The following HECTD4 variants were observed in gnomAD, a reference collection of about 807,000 sequenced individuals.
HECTD4 encodes HECT domain E3 ubiquitin protein ligase 4, also known as probable E3 ubiquitin-protein ligase HECTD4.
Under a neutral mutation model 471.5 loss-of-function variants are expected in HECTD4, and 114 were observed. That is an observed-to-expected ratio of 0.24 (90% CI 0.21 to 0.28). The LOEUF is 0.28. Among genes scored for constraint, HECTD4 ranks in the 10% least tolerant of loss-of-function variants. The pLI, the probability that HECTD4 is intolerant of heterozygous loss-of-function variation, is 1.00. For missense variants in HECTD4, 3,866 were observed against 5,651.5 expected (o/e 0.68, Z 10.13); for synonymous variants, 2,012 against 2,256.0 (o/e 0.89, Z 3.07).
chr12:112,237,974 G>A (rs534103207), intron 34 of HECTD4, among the ~76,000 whole-genome samples: 18 of 152,072 alleles, frequency 1.2e-4, no homozygotes, highest in Admixed American at 2.0e-4. Flanking sequence ...GGCTGGTCTC[G>A]AACTCCTGAC....
Position 112,239,246 on chromosome 12 carries a change from G to C in HECTD4, c.5106-10C>G. ...GCACTTCTCTTCGCTCCTGACAAAG[G>C]GTCATGGATTACACTAGATAAACGT... is the stretch of plus-strand genomic sequence containing the variant. On this transcript the variant is annotated splice_polypyrimidine_tract_variant and intron_variant, in intron 33 of 75. Transcript: ENST00000682272. This position sits in a 1 kb window ranked among gnomAD's most constrained non-coding sequence, Gnocchi z 4.9. The C allele has an allele frequency of 1.2e-6, 2 of 1,605,572 alleles. No homozygotes were observed. Among genetic ancestry groups the C allele is most frequent in the Non-Finnish European group, 1.7e-6 (2 of 1,175,854 alleles).
At position 112,194,839 on chromosome 12, in the gene HECTD4, G is replaced by A. The variant is rs373478376; in HGVS notation, c.8749+46C>T. 1.7e-5 allele frequency: 26 copies of A among 1,541,734 alleles called. No individual in the cohort carries two copies. The Admixed American group carries it at 1.7e-4, about 10-fold the overall frequency. ...AATGACTACACTGTGCACAGCGCCC[G>A]CCTGGTGCTAAGTTCCAGAGTGACA... On this transcript the variant is annotated intron_variant, in intron 56 of 75. Coordinates refer to ENST00000682272, the MANE Select transcript of HECTD4 (RefSeq NM_001388303.1). This position sits in a 1 kb window ranked among gnomAD's most constrained non-coding sequence, Gnocchi z 4.6.
chr12:112,316,672 A>G (rs1274156869), intron 2 of HECTD4, among the ~76,000 whole-genome samples: 1 of 152,222 alleles, frequency 6.6e-6, no homozygotes, highest in Non-Finnish European at 1.5e-5. Flanking sequence ...AATAAATGTT[A>G]GTTGGTTGAA....
chr12:112,233,198 CTTACACTAACATTAGCTT>C, intron 37 of HECTD4, 113 bp from the exon 38 acceptor site: 6 of 568,160 alleles, frequency 1.1e-5, no homozygotes, highest in East Asian at 3.3e-5. Context: ...CTAACATTAG[CTTACACTAACATTAGCTT>C]TTTTTTTTTT....
chr12:112,233,535 C>T (rs1389610680), intron 37 of HECTD4, among the ~76,000 whole-genome samples: 1 of 151,898 alleles, frequency 6.6e-6, no homozygotes, highest in Non-Finnish European at 1.5e-5. Context: ...CTAACACTAG[C>T]TTTTAAAATC....
At chr12:112,187,990 A>G (rs1237280811) in intron 60 of HECTD4, among the ~76,000 whole-genome samples, 1 of 151,738 alleles carries the variant, frequency 6.6e-6, no homozygotes, top group Non-Finnish European at 1.5e-5. Context: ...AAAAACTGTT[A>G]AATATATGCA....
At chr12:112,317,923 T>C (rs188319742) in intron 2 of HECTD4, among the ~76,000 whole-genome samples, 83 of 136,732 alleles carry the variant, frequency 6.1e-4, no homozygotes, top group South Asian at 5.1e-3. Flanking sequence ...GTCACTGCAC[T>C]TCAGCCTGGT....
rs2036132525 is a variant in HECTD4 at position 112,345,511 on chromosome 12, T to C, written c.178-25769A>G. ...AATTAACTATATATTAATTATATTA[T>C]GGCATTTGTTACAGAGCCTGGAAGT... On this transcript the variant is annotated intron_variant, in intron 1 of 75. Transcript: ENST00000682272. Among the ~76,000 whole-genome samples the C allele has an allele frequency of 1.3e-5, 2 of 152,222 alleles. 1 individual carries two copies. The highest frequency in any genetic ancestry group is 4.1e-4 in the South Asian group (2 of 4,834).
chr12:112,209,992 G>GT (rs1457369624), intron 50 of HECTD4, 23 bp downstream of exon 50: 60 of 1,579,012 alleles, frequency 3.8e-5, no homozygotes, highest in Non-Finnish European at 5.0e-5. Flanking sequence ...CATGGAGGCA[G>GT]TAAGTTCCAG....
At chr12:112,190,215 C>A (rs1019648311) in intron 60 of HECTD4, among the ~76,000 whole-genome samples, 4 of 152,220 alleles carry the variant, frequency 2.6e-5, no homozygotes, top group Non-Finnish European at 5.9e-5. Flanking sequence ...CTCCTCTATT[C>A]ATCCACAAAC....
intron 72 of HECTD4, among the ~76,000 whole-genome samples, chr12:112,165,659 A>G (rs921519487): frequency 1.3e-5 from 2 of 152,040 alleles, no homozygotes; most frequent in African/African-American, 2.4e-5. Context: ...CCTAAGAGCA[A>G]CTCATTTTAA....
chr12:112,374,503 C>G (rs1189766378), intron 1 of HECTD4, among the ~76,000 whole-genome samples: 1 of 152,176 alleles, frequency 6.6e-6, no homozygotes, highest in Non-Finnish European at 1.5e-5. Context: ...GCCAGACAAG[C>G]CTGAAAGCCT....
intron 7 of HECTD4, among the ~76,000 whole-genome samples, chr12:112,304,021 T>C (rs2035222203): frequency 6.6e-6 from 1 of 152,022 alleles, no homozygotes; most frequent in African/African-American, 2.4e-5. Flanking sequence ...TACTTAGGGA[T>C]ATGAAGGTCA....
chr12:112,256,283 T>C, intron 21 of HECTD4, 37 bp downstream of exon 21: 5 of 1,410,174 alleles, frequency 3.5e-6, no homozygotes, highest in Non-Finnish European at 4.7e-6. Flanking sequence ...ATCAGCTTAC[T>C]CGAGGTGGAA....
intron 1 of HECTD4, among the ~76,000 whole-genome samples, chr12:112,375,098 T>A (rs1266593857): frequency 6.6e-6 from 1 of 152,196 alleles, no homozygotes; most frequent in East Asian, 1.9e-4. Context: ...CCTGCCTCTA[T>A]CCCCAGGTAA....
chr12:112,277,796 T>A (rs1475666670), intron 9 of HECTD4, among the ~76,000 whole-genome samples: 1 of 152,242 alleles, frequency 6.6e-6, no homozygotes, highest in Admixed American at 6.5e-5. Context: ...TATATTTATA[T>A]ATAACTCTCC....
At chr12:112,283,691 T>A (rs1324590304) in intron 7 of HECTD4, among the ~76,000 whole-genome samples, 2 of 152,216 alleles carry the variant, frequency 1.3e-5, no homozygotes, top group African/African-American at 4.8e-5. Context: ...TCTCGAAATA[T>A]CTTCAGTGGC....
chr12:112,298,755 G>A (rs1009407479), intron 7 of HECTD4, among the ~76,000 whole-genome samples: 3 of 151,642 alleles, frequency 2.0e-5, no homozygotes, highest in East Asian at 1.9e-4. Context: ...GGTGGCGGGC[G>A]CCTGTAATCC....
chr12:112,184,574 G>C lies in HECTD4; in HGVS notation c.10392C>G (p.Pro3464=), dbSNP rs761431860. 7.4e-6 allele frequency: 12 copies of C among 1,613,536 alleles called. No individual in the cohort carries two copies. The African/African-American group carries it at 1.2e-4, about 16-fold the overall frequency. The change falls in exon 61 of 76, where the codon CCC becomes CCG. Residue 3464 remains proline (P), a synonymous_variant. Coordinates refer to ENST00000682272, the MANE Select transcript of HECTD4 (RefSeq NM_001388303.1). This position sits in a 1 kb window ranked among gnomAD's most constrained non-coding sequence, Gnocchi z 9.1. ...TGCTGACCTCCATGCTGTCTGTGCC[G>C]GGGAAGGCCAGTGTCTTCTCGGGCT... ...KVEPEKTLAF[P]GTDSMEVSTS... is the part of the protein sequence containing the mutation.
Sources: gnomAD v4.1 joint callset for allele counts (sites outside exome capture counted in the v4.1 genomes callset) on GRCh38, gnomAD v4.1.1 for gene constraint, Gnocchi (gnomAD v3.1) non-coding constraint, MANE v1.5 for transcripts, NCBI Gene and HGNC (gene_info 2026-07-23, HGNC 2026-07-21) for gene names.